ADAM9: variants seen among roughly 807,000 people sequenced by gnomAD.
The protein encoded by ADAM9 is disintegrin and metalloproteinase domain-containing protein 9.
ADAM9 carries 54 observed loss-of-function variants against 108.1 expected under a neutral mutation model. The ratio of observed to expected loss-of-function variants is 0.50; its 90% CI spans 0.40 to 0.63. The LOEUF is 0.63. Ranked by LOEUF, ADAM9 falls within the 20% of genes least tolerant of loss-of-function variation. The probability of loss-of-function intolerance (pLI) is 0.00; values close to 1 mark genes in which losing one functional copy is unlikely to be tolerated. For missense variants in ADAM9, 830 were observed against 997.7 expected (o/e 0.83, Z 2.26); for synonymous variants, 316 against 336.0 (o/e 0.94, Z 0.65).
At chr8:39,040,943 T>C (rs1274253083) in intron 11 of ADAM9, among the ~76,000 whole-genome samples, 1 of 152,114 alleles carries the variant, frequency 6.6e-6, no homozygotes, top group Non-Finnish European at 1.5e-5. Context: ...TACACAAAAA[T>C]CAACTCAAAA....
In ADAM9 at chr8:39,013,961, C is replaced by T; in HGVS notation, c.255-4C>T. 1 of 1,611,210 alleles carries T rather than the reference C, an allele frequency of 6.2e-7. No individual in the cohort carries two copies. The highest frequency in any genetic ancestry group is 8.5e-7 in the Non-Finnish European group (1 of 1,177,656). ...ATATAAACGGTGTTTTATTTCTCTT[C>T]CAGAGACCTTTTGCCTGAAGATTTT... On this transcript the variant is annotated splice_region_variant and splice_polypyrimidine_tract_variant and intron_variant, in intron 3 of 21. Transcript: ENST00000487273.
At chr8:39,012,043 T>G (rs1190108904) in intron 3 of ADAM9, among the ~76,000 whole-genome samples, 1 of 152,202 alleles carries the variant, frequency 6.6e-6, no homozygotes, top group African/African-American at 2.4e-5. Flanking sequence ...AGACTAAGGT[T>G]CCACAGGCTA....
At chr8:39,072,102 G>A (rs972339678) in intron 15 of ADAM9, among the ~76,000 whole-genome samples, 4 of 152,112 alleles carry the variant, frequency 2.6e-5, no homozygotes, top group Non-Finnish European at 2.9e-5. Context: ...ATTTCAAGAT[G>A]ATGAATTTAA....
In ADAM9 at chr8:38,997,083, T is replaced by G. The variant is rs1330425037; in HGVS notation, c.20T>G (p.Phe7Cys). ...GCCGAGATGGGGTCTGGCGCGCGCT[T>G]TCCCTCGGGGACCCTTCGTGTCCGG... The part of the protein sequence containing the change: MGSGAR[F>C]PSGTLRVRWL... Residue 7 changes from phenylalanine (F) to cysteine (C), a missense_variant, in exon 1 of 22, where the codon TTT (phenylalanine) becomes TGT (cysteine). Around this residue, in one of 3 missense-constraint regions of ADAM9, gnomAD observed 211 missense variants for 222.2 expected, o/e 0.95. Coordinates refer to ENST00000487273, the MANE Select transcript of ADAM9 (RefSeq NM_003816.3). 1.9e-6 allele frequency: 3 copies of G among 1,607,052 alleles called. No homozygotes were observed. The highest frequency in any genetic ancestry group is 2.5e-6 in the Non-Finnish European group (3 of 1,179,302).
intron 11 of ADAM9, among the ~76,000 whole-genome samples, chr8:39,037,747 C>T (rs186288111): frequency 1.3e-4 from 20 of 152,168 alleles, no homozygotes; most frequent in Admixed American, 9.2e-4. Flanking sequence ...ATGTAGCAGG[C>T]GCTGTGCTTA....
At chr8:39,022,973 A>G (rs893140424) in intron 8 of ADAM9, among the ~76,000 whole-genome samples, 183 bp from the exon 9 acceptor site, 1 of 152,160 alleles carries the variant, frequency 6.6e-6, no homozygotes, top group Non-Finnish European at 1.5e-5. Context: ...TCGGCCTCCC[A>G]AAGTGTTAAG....
chr8:39,023,769 C>CT (rs1836829766), intron 9 of ADAM9, among the ~76,000 whole-genome samples: 1 of 101,944 alleles, frequency 9.8e-6, no homozygotes, highest in East Asian at 3.1e-4. Flanking sequence ...TTTTTGGAGA[C>CT]AGAGTCTCAC....
chr8:39,070,951 G>C (rs1838665326), intron 14 of ADAM9, among the ~76,000 whole-genome samples: 1 of 152,146 alleles, frequency 6.6e-6, no homozygotes, highest in South Asian at 2.1e-4. Flanking sequence ...GGTGCAGTTG[G>C]TTTATATGTG....
rs557672486 is a variant in ADAM9 at position 39,005,701 on chromosome 8, A to G, written c.98-2185A>G. Among the ~76,000 whole-genome samples the G allele has an allele frequency of 3.0e-4, 46 of 152,364 alleles. 1 individual carries two copies. In the South Asian group the frequency reaches 9.5e-3, roughly 32 times the overall value. On this transcript the variant is annotated intron_variant, in intron 1 of 21. Transcript: ENST00000487273. ...ACTGATGAGACTAGAATTTAATGTC[A>G]GGTGTACTATAGTTCTTGAAACGTA...
At chr8:39,103,486 G>A (rs964263763) in intron 21 of ADAM9, 121 bp from the exon 22 acceptor site, 4 of 961,918 alleles carry the variant, frequency 4.2e-6, no homozygotes, top group South Asian at 1.3e-5. Flanking sequence ...ATCTCAGAAT[G>A]TACAGTACCC....
chr8:39,085,418 C>A (rs1368339491), intron 18 of ADAM9, among the ~76,000 whole-genome samples: 1 of 152,126 alleles, frequency 6.6e-6, no homozygotes, highest in African/African-American at 2.4e-5. Flanking sequence ...CATATAATTA[C>A]CATTTCTGGT....
intron 1 of ADAM9, 53 bp from the exon 2 acceptor site, chr8:39,007,833 C>A: frequency 8.2e-7 from 1 of 1,213,514 alleles, no homozygotes; most frequent in Non-Finnish European, 1.2e-6. Context: ...ATATTGTGTT[C>A]CCACGTAGTT....
intron 11 of ADAM9, among the ~76,000 whole-genome samples, chr8:39,028,116 G>C (rs183900509): frequency 1.3e-5 from 2 of 152,090 alleles, no homozygotes; most frequent in Admixed American, 6.5e-5. Context: ...GATTTCACAT[G>C]GGGAATATCC....
rs139516925 is a variant in ADAM9 at position 39,022,356 on chromosome 8, C to T, written c.744+642C>T. ...TACCCCTATGAAATTATGAGTTCCA[C>T]AGTCCTTTATCTGAAACCTCTGATG... On this transcript the variant is annotated intron_variant, in intron 8 of 21. Coordinates refer to ENST00000487273, the MANE Select transcript of ADAM9 (RefSeq NM_003816.3). Among the ~76,000 whole-genome samples the T allele has an allele frequency of 1.2e-4, 19 of 152,226 alleles. No individual in the cohort carries two copies. The East Asian group carries it at 3.1e-3, about 25-fold the overall frequency.
At position 39,080,429 on chromosome 8, in the gene ADAM9, T is replaced by C. The variant is rs1430924014; in HGVS notation, c.1882-2212T>C. Among the ~76,000 whole-genome samples the C allele has an allele frequency of 2.6e-5, 4 of 152,310 alleles. No individual in the cohort carries two copies. The East Asian group carries it at 7.7e-4, about 29-fold the overall frequency. ...TTTCTAGCTATGACAATAATATTTA[T>C]GTACAAGAAAGGATAGCAAGTGGTT... On this transcript the variant is annotated intron_variant, in intron 16 of 21. Coordinates refer to ENST00000487273, the MANE Select transcript of ADAM9 (RefSeq NM_003816.3).
intron 18 of ADAM9, 195 bp from the exon 19 acceptor site, chr8:39,089,852 T>A (rs1053940198): frequency 8.3e-6 from 5 of 603,622 alleles, no homozygotes; most frequent in East Asian, 3.0e-5. Flanking sequence ...AAGAAACTAA[T>A]AAAAGTGGTT....
At chr8:39,030,946 A>C (rs1837077398) in intron 11 of ADAM9, among the ~76,000 whole-genome samples, 1 of 152,000 alleles carries the variant, frequency 6.6e-6, no homozygotes, top group Non-Finnish European at 1.5e-5. Context: ...CTTATTTTTT[A>C]GTTTTAAGAG....
chr8:39,018,349 T>C (rs1836615195), intron 6 of ADAM9, among the ~76,000 whole-genome samples: 1 of 152,270 alleles, frequency 6.6e-6, no homozygotes, highest in Non-Finnish European at 1.5e-5. Flanking sequence ...TGAATTTCTG[T>C]AAAATGACAA....
intron 16 of ADAM9, among the ~76,000 whole-genome samples, chr8:39,080,561 A>G (rs4543512): frequency 0.24 from 36,018 of 152,060 alleles, 4,573 homozygotes; most frequent in South Asian, 0.31. Context: ...GGTTTAATCT[A>G]TGAGTCTAAC....
Sources: allele counts gnomAD v4.1 joint callset (sites outside exome capture counted in the v4.1 genomes callset), GRCh38; gene constraint gnomAD v4.1.1; regional missense constraint gnomAD v4.1.1; transcripts MANE v1.5; gene names NCBI Gene and HGNC (gene_info 2026-07-23, HGNC 2026-07-21).